Variants in GRSF1 observed in about 807,000 individuals in gnomAD.
The protein encoded by GRSF1 is G-rich RNA sequence binding factor 1, also known as G-rich sequence factor 1.
A neutral mutation model predicts 51.1 loss-of-function variants in GRSF1; 50 were observed. The observed-to-expected ratio is 0.98, with a 90% CI of 0.78 to 1.24. The LOEUF (loss-of-function observed/expected upper bound fraction) is 1.24, where lower values mean the gene tolerates loss of function less well. Among genes scored for constraint, GRSF1 ranks in the 50% most tolerant of loss-of-function variants. GRSF1 has a pLI of 0.00. For synonymous variants in GRSF1, 293 were observed against 253.3 expected (o/e 1.16, Z -1.49); for missense variants, 700 against 639.7 (o/e 1.09, Z -1.02).
intron 5 of GRSF1, among the ~76,000 whole-genome samples, chr4:70,829,701 A>G (rs906770121): frequency 6.6e-6 from 1 of 152,152 alleles, no homozygotes; most frequent in Non-Finnish European, 1.5e-5. Context: ...GCTACAAGGA[A>G]AGCTGAGATG....
intron 1 of GRSF1, chr4:70,839,092 G>A (rs1734347010): frequency 7.9e-7 from 1 of 1,270,466 alleles, no homozygotes. Context: ...ACCCTCCGGC[G>A]GGCTCGGGCC....
intron 5 of GRSF1, among the ~76,000 whole-genome samples, chr4:70,830,530 G>A (rs557928591): frequency 1.3e-5 from 2 of 151,560 alleles, no homozygotes; most frequent in African/African-American, 2.4e-5. Flanking sequence ...TCTGGATTCT[G>A]TATTTTTGTC....
rs1458487203 is a variant in GRSF1 at position 70,819,847 on chromosome 4, G to A, written c.*1040C>T. ...TTGTCCAATATTTAAATAACAAGCT[G>A]TTTAATATTAAAGCAGAAAGTACTG... On this transcript the variant is annotated 3_prime_UTR_variant, in exon 10 of 10. Coordinates refer to ENST00000254799, the MANE Select transcript of GRSF1 (RefSeq NM_002092.4). 1 of 152,396 alleles carries A rather than the reference G, an allele frequency of 6.6e-6. No homozygotes were observed. Among genetic ancestry groups the A allele is most frequent in the African/African-American group, 2.4e-5 (1 of 41,312 alleles). 9.4% of individuals were successfully genotyped at this position (152,396 alleles called of 1,614,324 possible).
At chr4:70,824,827 ATGCGGTGGCTCATGCC>A (rs1733668379) in intron 8 of GRSF1, among the ~76,000 whole-genome samples, 1 of 152,144 alleles carries the variant, frequency 6.6e-6, no homozygotes, top group Non-Finnish European at 1.5e-5. Context: ...AACAGGCTGG[ATGCGGTGGCTCATGCC>A]TGTAATCCCG....
In GRSF1 at chr4:70,817,392, T is replaced by C. The variant is rs1328827539; in HGVS notation, c.*3495A>G. ...ACCTAGCCTATTCTTGATTTTCATA[T>C]AATCAGGCTTAAGACAGATTAAACC... On this transcript the variant is annotated 3_prime_UTR_variant, in exon 10 of 10. Coordinates refer to ENST00000254799, the MANE Select transcript of GRSF1 (RefSeq NM_002092.4). 1.3e-5 allele frequency: 2 copies of C among 152,168 alleles called. No individual in the cohort carries two copies. Among genetic ancestry groups the C allele is most frequent in the Non-Finnish European group, 2.9e-5 (2 of 68,038 alleles). The allele number at this position is 152,168 out of a possible 1,614,324, so 9.4% of individuals were successfully genotyped here. A position where few individuals can be genotyped will look rare whatever the true frequency, so the allele number is the denominator to read the frequency against.
intron 7 of GRSF1, chr4:70,825,874 G>A (rs1358844527): frequency 2.7e-6 from 1 of 369,258 alleles, no homozygotes; most frequent in Non-Finnish European, 4.9e-6. Context: ...AGAGGTTGCA[G>A]TGAGCCAAGT....
At position 70,837,069 on chromosome 4, in the gene GRSF1, AGCAGGAC is replaced by A. The variant is rs1214850774; in HGVS notation, c.358-762_358-756del. Among the ~76,000 whole-genome samples, 3 of 152,236 alleles carry A rather than the reference AGCAGGAC, an allele frequency of 2.0e-5. No individual in the cohort carries two copies. The East Asian group carries it at 5.8e-4, about 29-fold the overall frequency. ...TGAGGACTGGGTAAATCAACAAGAC[AGCAGGAC>A]GCCTTGGGAATATTCCTCTGTCAGC... On this transcript the variant is annotated intron_variant, in intron 1 of 9. Transcript: ENST00000254799.
At chr4:70,835,252 G>T (rs886605609) in intron 2 of GRSF1, among the ~76,000 whole-genome samples, 1 of 150,866 alleles carries the variant, frequency 6.6e-6, no homozygotes, top group Non-Finnish European at 1.5e-5. Context: ...GATCATCCTG[G>T]CTAACACGGT....
At position 70,839,845 on chromosome 4, in the gene GRSF1, C is replaced by T; in HGVS notation, c.-18G>A. 1 of 1,480,130 alleles carries T rather than the reference C, an allele frequency of 6.8e-7. No individual in the cohort carries two copies. The highest frequency in any genetic ancestry group is 8.9e-7 in the Non-Finnish European group (1 of 1,123,848). The allele number at this position is 1,480,130 out of a possible 1,614,324, so 91.7% of individuals were successfully genotyped here. On this transcript the variant is annotated 5_prime_UTR_variant, in exon 1 of 10. Coordinates refer to ENST00000254799, the MANE Select transcript of GRSF1 (RefSeq NM_002092.4). Reference sequence around the variant, plus strand: ...CCGGCCATGGACTCCGGAGGCGGCGCAGGGCCTGAAGGCAGCTGCTCCAGC... The same window carrying T: ...CCGGCCATGGACTCCGGAGGCGGCGTAGGGCCTGAAGGCAGCTGCTCCAGC...
At chr4:70,839,072 G>T in intron 1 of GRSF1, 2 of 1,219,974 alleles carry the variant, frequency 1.6e-6, no homozygotes, top group Admixed American at 2.7e-5. Flanking sequence ...GGGCTGCACG[G>T]AAACTCCCAA....
At chr4:70,820,883 T>C (rs564965755) in intron 9 of GRSF1, 22 bp from the exon 10 acceptor site, 1 of 152,656 alleles carries the variant, frequency 6.6e-6, no homozygotes, top group Admixed American at 6.5e-5. Flanking sequence ...ACAAAAAATA[T>C]TGTACATTTA....
At chr4:70,833,070 A>G (rs1156309172) in intron 3 of GRSF1, 48 bp downstream of exon 3, 1 of 1,552,892 alleles carries the variant, frequency 6.4e-7, no homozygotes, top group Admixed American at 1.9e-5. Context: ...TGAAAAGTAT[A>G]AAACCTAATG....
intron 5 of GRSF1, among the ~76,000 whole-genome samples, chr4:70,829,521 G>A (rs1733875034): frequency 1.3e-5 from 2 of 152,174 alleles, no homozygotes; most frequent in South Asian, 4.1e-4. Flanking sequence ...GGGTGTGGTG[G>A]CATGTATCTG....
Position 70,816,277 on chromosome 4 carries a change from G to C in GRSF1, c.*4610C>G, listed in dbSNP as rs1025258219. 6.6e-6 allele frequency: 1 copy of C among 150,872 alleles called. No homozygotes were observed. Among genetic ancestry groups the C allele is most frequent in the African/African-American group, 2.4e-5 (1 of 40,838 alleles). The allele number at this position is 150,872 out of a possible 1,614,324, so 9.3% of individuals were successfully genotyped here. ...AGGCAGGAGACTCCCTTGAACCCAG[G>C]AGGTGGAGGTTGCAGTGAGCCAAGA... On this transcript the variant is annotated 3_prime_UTR_variant, in exon 10 of 10. Coordinates refer to ENST00000254799, the MANE Select transcript of GRSF1 (RefSeq NM_002092.4).
At chr4:70,837,802 AT>A (rs1734277805) in intron 1 of GRSF1, among the ~76,000 whole-genome samples, 1 of 150,156 alleles carries the variant, frequency 6.7e-6, no homozygotes, top group Admixed American at 6.6e-5. Flanking sequence ...CGCCCGGCTA[AT>A]TTTTTTGCAT....
intron 1 of GRSF1, among the ~76,000 whole-genome samples, chr4:70,837,997 A>G (rs186655115): frequency 6.6e-6 from 1 of 151,538 alleles, no homozygotes; most frequent in African/African-American, 2.4e-5. Flanking sequence ...TTTGGGAGGC[A>G]GAGGCGGGCG....
chr4:70,824,386 G>A lies in GRSF1; in HGVS notation c.1394-18C>T. On this transcript the variant is annotated intron_variant, in intron 8 of 9. Transcript: ENST00000254799. ...CCTATGATCTGAGGATAATGAGAAA[G>A]ATTAGTTTTAAAAAGTTGAAAAGGT... 4 of 1,346,344 alleles carry A rather than the reference G, an allele frequency of 3.0e-6. No homozygotes were observed. The highest frequency in any genetic ancestry group is 3.1e-6 in the Non-Finnish European group (3 of 954,246). The allele number at this position is 1,346,344 out of a possible 1,614,324, so 83.4% of individuals were successfully genotyped here.
rs1401757877 is a variant in GRSF1, at chr4:70,818,445, T to G, written c.*2442A>C. ...TGTTGCCTTCAAACTGGGTTCCTTATGCTTCCCCCTTCAAGTAACACAGAA... is the reference window on the plus strand; with the variant it reads ...TGTTGCCTTCAAACTGGGTTCCTTAGGCTTCCCCCTTCAAGTAACACAGAA... On this transcript the variant is annotated 3_prime_UTR_variant, in exon 10 of 10. Coordinates refer to ENST00000254799, the MANE Select transcript of GRSF1 (RefSeq NM_002092.4). 1 of 152,240 alleles carries G rather than the reference T, an allele frequency of 6.6e-6. No individual in the cohort carries two copies. The highest frequency in any genetic ancestry group is 6.5e-5 in the Admixed American group (1 of 15,282). The allele number at this position is 152,240 out of a possible 1,614,324, so 9.4% of individuals were successfully genotyped here. A position where few individuals can be genotyped will look rare whatever the true frequency, so the allele number is the denominator to read the frequency against.
chr4:70,825,435 A>G lies in GRSF1; in HGVS notation c.1258-4T>C, dbSNP rs774187379. 4 of 1,604,600 alleles carry G rather than the reference A, an allele frequency of 2.5e-6. No homozygotes were observed. Among genetic ancestry groups the G allele is most frequent in the Admixed American group, 1.7e-5 (1 of 59,324 alleles). ...CAGGCTTGAGTGGAGCAAAAAACTA[A>G]ACGACAAACAAAGGCAGTCAAGAGG... is the stretch of plus-strand genomic sequence containing the variant. On this transcript the variant is annotated splice_polypyrimidine_tract_variant and splice_region_variant and intron_variant, in intron 7 of 9. Transcript: ENST00000254799.
Sources: gnomAD v4.1 joint callset for allele counts (sites outside exome capture counted in the v4.1 genomes callset) on GRCh38, gnomAD v4.1.1 for gene constraint, MANE v1.5 for transcripts, NCBI Gene and HGNC (gene_info 2026-07-23, HGNC 2026-07-21) for gene names.